The following AUTS2 variants were observed in gnomAD, a reference collection of about 807,000 sequenced individuals.
AUTS2 encodes activator of transcription and developmental regulator AUTS2.
A neutral mutation model predicts 112.4 loss-of-function variants in AUTS2; 17 were observed. That is an observed-to-expected ratio of 0.15 (90% CI 0.10 to 0.23). The LOEUF is 0.23. Ranked by LOEUF, AUTS2 falls within the 10% of genes least tolerant of loss-of-function variation. The pLI, the probability that AUTS2 is intolerant of heterozygous loss-of-function variation, is 1.00. For missense variants in AUTS2, 1,510 were observed against 1,701.6 expected (o/e 0.89, Z 1.98); for synonymous variants, 751 against 702.7 (o/e 1.07, Z -1.09).
intron 5 of AUTS2, among the ~76,000 whole-genome samples, chr7:70,580,684 A>G (rs1251528394): frequency 1.3e-5 from 2 of 152,164 alleles, no homozygotes; most frequent in Non-Finnish European, 2.9e-5. Context: ...TTATTTTTTA[A>G]TTGAAAAAGA....
chr7:70,549,832 G>A (rs891336127), intron 5 of AUTS2, among the ~76,000 whole-genome samples: 1 of 152,196 alleles, frequency 6.6e-6, no homozygotes, highest in East Asian at 1.9e-4. Context: ...GTAGGAAAAG[G>A]TAGACACCAC....
chr7:70,512,125 G>T (rs553556422), intron 5 of AUTS2, among the ~76,000 whole-genome samples: 2 of 152,274 alleles, frequency 1.3e-5, no homozygotes, highest in East Asian at 3.9e-4. Flanking sequence ...GTGAATATGG[G>T]TCCCCACGTT....
At chr7:70,084,326 G>A (rs902719834) in intron 2 of AUTS2, among the ~76,000 whole-genome samples, 1 of 152,216 alleles carries the variant, frequency 6.6e-6, no homozygotes, top group South Asian at 2.1e-4. Context: ...ACTGTTTTCA[G>A]TTTTTGTTAT....
At chr7:70,407,317 A>G (rs1794578864) in intron 4 of AUTS2, among the ~76,000 whole-genome samples, 2 of 152,202 alleles carry the variant, frequency 1.3e-5, no homozygotes, top group Admixed American at 6.5e-5. Context: ...TTACAGTGAT[A>G]CCACCTCAGC....
intron 5 of AUTS2, among the ~76,000 whole-genome samples, chr7:70,511,561 C>CTTTTT (rs3974587): frequency 0.026 from 1,862 of 70,274 alleles, 125 homozygotes; most frequent in Non-Finnish European, 0.029. Flanking sequence ...TTTTCATTTT[C>CTTTTT]TTTTTTTTTT....
chr7:69,956,657 C>T (rs1245714582), intron 2 of AUTS2, among the ~76,000 whole-genome samples: 1 of 151,974 alleles, frequency 6.6e-6, no homozygotes, highest in Non-Finnish European at 1.5e-5. Context: ...ACTTAATATC[C>T]GAGTTGACAG....
intron 2 of AUTS2, among the ~76,000 whole-genome samples, chr7:69,996,966 C>CAAAAAAAAAAAAAAAAAAAAAA (rs1798974779): frequency 1.2e-5 from 1 of 83,626 alleles, no homozygotes; most frequent in African/African-American, 5.2e-5. Flanking sequence ...AAAAAAAAAG[C>CAAAAAAAAAAAAAAAAAAAAAA]AAACTCCAGG....
chr7:70,453,864 T>C (rs955368877), intron 5 of AUTS2, among the ~76,000 whole-genome samples: 1 of 152,234 alleles, frequency 6.6e-6, no homozygotes. Context: ...AAAGATACTT[T>C]TTCCTTGTAA....
chr7:70,381,523 C>CGTTA (rs1002774625), intron 4 of AUTS2, among the ~76,000 whole-genome samples: 4 of 152,086 alleles, frequency 2.6e-5, no homozygotes, highest in African/African-American at 7.2e-5. Flanking sequence ...GCAAATCATT[C>CGTTA]GTTAGCCCTA....
chr7:69,792,232 G>GTTTTTT (rs148860619), intron 1 of AUTS2, among the ~76,000 whole-genome samples: 1 of 146,752 alleles, frequency 6.8e-6, no homozygotes, highest in African/African-American at 2.5e-5. Context: ...TTAAGTTGTT[G>GTTTTTT]TTTTTTTTTT....
intron 4 of AUTS2, among the ~76,000 whole-genome samples, chr7:70,206,998 C>T (rs1430115891): frequency 6.6e-6 from 1 of 152,130 alleles, no homozygotes; most frequent in East Asian, 1.9e-4. Flanking sequence ...ATTACTTTGG[C>T]ATAGGCTTTT....
intron 5 of AUTS2, among the ~76,000 whole-genome samples, chr7:70,573,657 A>T (rs1802041565): frequency 6.6e-6 from 1 of 152,218 alleles, no homozygotes; most frequent in African/African-American, 2.4e-5. Flanking sequence ...ATATTGGGAT[A>T]ATCATTTTAG....
chr7:70,407,287 G>A (rs951892810), intron 4 of AUTS2, among the ~76,000 whole-genome samples: 4 of 152,142 alleles, frequency 2.6e-5, no homozygotes, highest in East Asian at 1.9e-4. Context: ...GCAAGAACTT[G>A]TGTTAATTAT....
intron 5 of AUTS2, among the ~76,000 whole-genome samples, chr7:70,534,126 A>G (rs1800210078): frequency 6.6e-6 from 1 of 152,180 alleles, no homozygotes; most frequent in African/African-American, 2.4e-5. Flanking sequence ...CTGCCTCCAC[A>G]TCGGCAGGCT....
intron 4 of AUTS2, among the ~76,000 whole-genome samples, chr7:70,281,429 G>A (rs1246532324): frequency 2.6e-5 from 4 of 152,202 alleles, no homozygotes; most frequent in East Asian, 3.8e-4. Context: ...TGCTTTGATC[G>A]TCTCTTGGTG....
chr7:70,158,777 A>G (rs1005822181), intron 4 of AUTS2, among the ~76,000 whole-genome samples: 14 of 152,074 alleles, frequency 9.2e-5, no homozygotes, highest in Non-Finnish European at 1.9e-4. Flanking sequence ...AGTGTTGAGT[A>G]TGTGTGATTT....
intron 4 of AUTS2, among the ~76,000 whole-genome samples, chr7:70,153,634 CT>C (rs1282233479): frequency 2.0e-5 from 3 of 152,188 alleles, no homozygotes; most frequent in African/African-American, 7.2e-5. Context: ...TATTTCCCTG[CT>C]GTTGTTAACA....
chr7:69,791,939 G>T (rs1951857488), intron 1 of AUTS2, among the ~76,000 whole-genome samples: 1 of 152,186 alleles, frequency 6.6e-6, no homozygotes, highest in Admixed American at 6.5e-5. Flanking sequence ...GTGGCCTGCA[G>T]GCTCTGTAGT....
chr7:69,760,603 A>T (rs892265278), intron 1 of AUTS2, among the ~76,000 whole-genome samples: 48 of 152,160 alleles, frequency 3.2e-4, no homozygotes, highest in Admixed American at 7.2e-4. Context: ...GCAGTGGATC[A>T]TGAGGTCAGG....
Sources: allele counts gnomAD v4.1 joint callset (sites outside exome capture counted in the v4.1 genomes callset), GRCh38; gene constraint gnomAD v4.1.1; transcripts MANE v1.5; gene names NCBI Gene and HGNC (gene_info 2026-07-23, HGNC 2026-07-21).